Variants in KIRREL3 observed in about 807,000 individuals in gnomAD.
KIRREL3 encodes the protein kin of IRRE-like protein 3.
KIRREL3 carries 36 observed loss-of-function variants against 89.7 expected under a neutral mutation model. The ratio of observed to expected loss-of-function variants is 0.40; its 90% CI spans 0.31 to 0.53. KIRREL3 has a LOEUF of 0.53. KIRREL3 is among the 20% of genes least tolerant of loss of function. KIRREL3 has a pLI of 0.49. For missense variants in KIRREL3, 864 were observed against 1,056.6 expected, an observed-to-expected ratio of 0.82 and a Z score of 2.53; for synonymous variants, 445 against 441.4, an observed-to-expected ratio of 1.01 and a Z score of -0.10.
Position 126,763,355 on chromosome 11 carries a change from G to A in KIRREL3, c.56-200443C>T, listed in dbSNP as rs1949721378. Reference sequence around the variant, plus strand: ...AGTCCACATCTGTGCCAAGGGCTGGGCAGGGCAGTGCTCCTCACTTCCTCC... The same window carrying A: ...AGTCCACATCTGTGCCAAGGGCTGGACAGGGCAGTGCTCCTCACTTCCTCC... On this transcript the variant is annotated intron_variant, in intron 1 of 16. Transcript: ENST00000525144. This position sits in a 1 kb window ranked among gnomAD's most constrained non-coding sequence, Gnocchi z 4.7. Among the ~76,000 whole-genome samples the A allele has an allele frequency of 6.6e-6, 1 of 152,234 alleles. No individual in the cohort carries two copies. Among genetic ancestry groups the A allele is most frequent in the South Asian group, 2.1e-4 (1 of 4,826 alleles).
rs1299635705 is a variant in KIRREL3 at position 126,946,914 on chromosome 11, G to A, written c.55+53541C>T. Among the ~76,000 whole-genome samples the A allele has an allele frequency of 1.3e-5, 2 of 152,202 alleles. No homozygotes were observed. The highest frequency in any genetic ancestry group is 2.9e-5 in the Non-Finnish European group (2 of 68,044). On this transcript the variant is annotated intron_variant, in intron 1 of 16. Transcript: ENST00000525144. The surrounding 1 kb of genome is among the most constrained non-coding windows in gnomAD (Gnocchi z 4.1). Reference sequence around the variant, plus strand: ...TAGGCATTTGGTATCACCATACAGAGATTGAATGTGCAGGCATTGAGTGGT... The same window carrying A: ...TAGGCATTTGGTATCACCATACAGAAATTGAATGTGCAGGCATTGAGTGGT...
At position 126,520,674 on chromosome 11, in the gene KIRREL3, A is replaced by G. The variant is rs1453193122; in HGVS notation, c.433+641T>C. ...GAGCCCATTCCCCTGTCTTCAGGCAAGATGATCCAGGAACGCTGGGCTCCT... is the reference window on the plus strand; with the variant it reads ...GAGCCCATTCCCCTGTCTTCAGGCAGGATGATCCAGGAACGCTGGGCTCCT... On this transcript the variant is annotated intron_variant, in intron 4 of 16. Transcript: ENST00000525144. This position sits in a 1 kb window ranked among gnomAD's most constrained non-coding sequence, Gnocchi z 4.9. Among the ~76,000 whole-genome samples, 1 of 152,216 alleles carries G rather than the reference A, an allele frequency of 6.6e-6. No individual in the cohort carries two copies. Among genetic ancestry groups the G allele is most frequent in the Non-Finnish European group, 1.5e-5 (1 of 68,038 alleles).
chr11:126,560,613 C>T (rs139465544), intron 2 of KIRREL3, among the ~76,000 whole-genome samples: 7 of 152,274 alleles, frequency 4.6e-5, no homozygotes, highest in Non-Finnish European at 1.0e-4. Flanking sequence ...TAAAAGGACA[C>T]CAAATTAACA....
Position 126,476,757 on chromosome 11 carries a change from G to A in KIRREL3, c.434-3291C>T, listed in dbSNP as rs1018704471. On this transcript the variant is annotated intron_variant, in intron 4 of 16. Coordinates refer to ENST00000525144, the MANE Select transcript of KIRREL3 (RefSeq NM_032531.4). The surrounding 1 kb of genome is among the most constrained non-coding windows in gnomAD (Gnocchi z 6.4). ...GTCGCTCTTGGCAGCTGTGTCTGGC[G>A]TGGAAGGGGGCTCCTCATTACCTCC... is the stretch of plus-strand genomic sequence containing the variant. 5.3e-5 allele frequency among the ~76,000 whole-genome samples: 8 copies of A among 152,260 alleles called. No individual in the cohort carries two copies. The highest frequency in any genetic ancestry group is 3.9e-4 in the East Asian group (2 of 5,168).
intron 1 of KIRREL3, among the ~76,000 whole-genome samples, chr11:126,972,984 C>T (rs569854386): frequency 1.2e-4 from 18 of 151,548 alleles, no homozygotes; most frequent in East Asian, 5.8e-4. Flanking sequence ...TCAAGGAGGA[C>T]GCCAGCCAAA....
intron 1 of KIRREL3, among the ~76,000 whole-genome samples, chr11:126,756,413 T>C (rs1215841761): frequency 6.6e-6 from 1 of 152,266 alleles, no homozygotes; most frequent in Non-Finnish European, 1.5e-5. Context: ...TTGGAGGAAT[T>C]CTTGCAGAGA....
chr11:126,963,541 G>A (rs548094891), intron 1 of KIRREL3, among the ~76,000 whole-genome samples: 1 of 152,176 alleles, frequency 6.6e-6, no homozygotes, highest in Non-Finnish European at 1.5e-5. Flanking sequence ...AAAATGCTTT[G>A]TGACGAACCA....
rs7924986 is a variant in KIRREL3 at position 127,000,125 on chromosome 11, C to A, written c.55+330G>T. ...AGAGGAGGTGCCCAGAAGTTCAGAG[C>A]GGCATAACCACAGAGATACTACCTA... is the stretch of plus-strand genomic sequence containing the variant. On this transcript the variant is annotated intron_variant, in intron 1 of 16. Coordinates refer to ENST00000525144, the MANE Select transcript of KIRREL3 (RefSeq NM_032531.4). The surrounding 1 kb of genome is among the most constrained non-coding windows in gnomAD (Gnocchi z 7.1). Among the ~76,000 whole-genome samples the A allele has an allele frequency of 6.6e-6, 1 of 151,996 alleles. No homozygotes were observed. Among genetic ancestry groups the A allele is most frequent in the East Asian group, 1.9e-4 (1 of 5,168 alleles).
At chr11:126,514,493 G>T (rs977995562) in intron 4 of KIRREL3, among the ~76,000 whole-genome samples, 6 of 152,160 alleles carry the variant, frequency 3.9e-5, no homozygotes, top group Admixed American at 1.3e-4. Flanking sequence ...GGATGCAGGG[G>T]TTGCTTGTTG....
rs1462171207 is a variant in KIRREL3 at position 126,431,949 on chromosome 11, A to G, written c.1589-423T>C. 1.3e-5 allele frequency among the ~76,000 whole-genome samples: 2 copies of G among 152,028 alleles called. No individual in the cohort carries two copies. The highest frequency in any genetic ancestry group is 1.9e-4 in the East Asian group (1 of 5,170). ...CCCTGGCTTTTTTTGAAAAATGACT[A>G]TGGTCACTGCCCTTGTTTGTTCCGT... is the stretch of plus-strand genomic sequence containing the variant. On this transcript the variant is annotated intron_variant, in intron 13 of 16. Coordinates refer to ENST00000525144, the MANE Select transcript of KIRREL3 (RefSeq NM_032531.4). This position sits in a 1 kb window ranked among gnomAD's most constrained non-coding sequence, Gnocchi z 7.1.
chr11:126,566,008 GGA>G lies in KIRREL3; in HGVS notation c.56-3098_56-3097del, dbSNP rs1275528667. ...TTGTCCCATAGCATGGAGATGAATG[GGA>G]GAGTCAGATCACAGATGCACATTTT... On this transcript the variant is annotated intron_variant, in intron 1 of 16. Transcript: ENST00000525144. The surrounding 1 kb of genome is among the most constrained non-coding windows in gnomAD (Gnocchi z 4.9). 1.3e-5 allele frequency among the ~76,000 whole-genome samples: 2 copies of G among 152,190 alleles called. No homozygotes were observed. Among genetic ancestry groups the G allele is most frequent in the Non-Finnish European group, 2.9e-5 (2 of 68,042 alleles).
In KIRREL3 at chr11:126,761,293, A is replaced by G. The variant is rs1949659958; in HGVS notation, c.56-198381T>C. Among the ~76,000 whole-genome samples the G allele has an allele frequency of 1.3e-5, 2 of 152,240 alleles. No homozygotes were observed. Among genetic ancestry groups the G allele is most frequent in the Non-Finnish European group, 2.9e-5 (2 of 68,034 alleles). On this transcript the variant is annotated intron_variant, in intron 1 of 16. Coordinates refer to ENST00000525144, the MANE Select transcript of KIRREL3 (RefSeq NM_032531.4). This position sits in a 1 kb window ranked among gnomAD's most constrained non-coding sequence, Gnocchi z 4.4. ...GCACTCTGCCCAGGCAAAGGTATTC[A>G]CAAACCTCCCTGGGGGCTCACCAGA...
At chr11:126,543,890 G>C (rs532792385) in intron 2 of KIRREL3, 1 of 152,414 alleles carries the variant, frequency 6.6e-6, no homozygotes, top group African/African-American at 2.4e-5. Flanking sequence ...TTCCTGCCCT[G>C]CTGGAGCCTT....
chr11:126,494,334 AC>A (rs1957601567), intron 4 of KIRREL3, among the ~76,000 whole-genome samples: 1 of 152,202 alleles, frequency 6.6e-6, no homozygotes, highest in African/African-American at 2.4e-5. Context: ...ATTTTAATAC[AC>A]CTGCTTTTAA....
At chr11:126,865,303 G>A (rs1029118016) in intron 1 of KIRREL3, among the ~76,000 whole-genome samples, 15 of 152,232 alleles carry the variant, frequency 9.9e-5, no homozygotes, top group Admixed American at 2.6e-4. Context: ...TGCAGACTAA[G>A]AAGGCTCTCA....
chr11:126,493,971 C>G (rs532119058), intron 4 of KIRREL3, among the ~76,000 whole-genome samples: 2 of 152,100 alleles, frequency 1.3e-5, no homozygotes, highest in Admixed American at 6.5e-5. Context: ...GCTCTTGTCT[C>G]GGGCACAAAC....
intron 1 of KIRREL3, among the ~76,000 whole-genome samples, chr11:126,722,441 C>G (rs2134172980): frequency 6.6e-6 from 1 of 152,366 alleles, no homozygotes. Context: ...GCTCTTCTGA[C>G]TATCTAACTT....
Position 126,669,238 on chromosome 11 carries a change from A to G in KIRREL3, c.56-106326T>C, listed in dbSNP as rs1386716865. 6.6e-6 allele frequency among the ~76,000 whole-genome samples: 1 copy of G among 152,180 alleles called. No homozygotes were observed. Among genetic ancestry groups the G allele is most frequent in the Non-Finnish European group, 1.5e-5 (1 of 68,044 alleles). ...TTGGGAGTTGTTAGACCCATTGAAC[A>G]GATGAAAATAAAAGGGGTCTCTAGA... On this transcript the variant is annotated intron_variant, in intron 1 of 16. Coordinates refer to ENST00000525144, the MANE Select transcript of KIRREL3 (RefSeq NM_032531.4). This position sits in a 1 kb window ranked among gnomAD's most constrained non-coding sequence, Gnocchi z 5.0.
In KIRREL3 at chr11:126,566,900, A is replaced by G. The variant is rs1036442658; in HGVS notation, c.56-3988T>C. 6.6e-6 allele frequency among the ~76,000 whole-genome samples: 1 copy of G among 152,226 alleles called. No individual in the cohort carries two copies. Among genetic ancestry groups the G allele is most frequent in the Non-Finnish European group, 1.5e-5 (1 of 68,046 alleles). On this transcript the variant is annotated intron_variant, in intron 1 of 16. Coordinates refer to ENST00000525144, the MANE Select transcript of KIRREL3 (RefSeq NM_032531.4). The surrounding 1 kb of genome is among the most constrained non-coding windows in gnomAD (Gnocchi z 4.9). The stretch of plus-strand genomic sequence containing the variant: ...TTATCTATTTCATTTTGGTTTCACA[A>G]ACTGAGGCTCAGAAGTAAAGTGACA...
Sources: gnomAD v4.1 joint callset for allele counts (sites outside exome capture counted in the v4.1 genomes callset) on GRCh38, gnomAD v4.1.1 for gene constraint, Gnocchi (gnomAD v3.1) non-coding constraint, MANE v1.5 for transcripts, NCBI Gene and HGNC (gene_info 2026-07-23, HGNC 2026-07-21) for gene names.